Variants in COQ10A observed in about 807,000 individuals in gnomAD.
The protein encoded by COQ10A is coenzyme Q-binding protein COQ10 homolog A, mitochondrial.
COQ10A carries 25 observed loss-of-function variants against 26.1 expected under a neutral mutation model. The ratio of observed to expected loss-of-function variants is 0.96; its 90% CI spans 0.70 to 1.34. The LOEUF is 1.34. Ranked by LOEUF, COQ10A falls within the 40% of genes most tolerant of loss-of-function variation. COQ10A has a pLI of 0.00. For synonymous variants in COQ10A, 132 were observed against 124.0 expected, an observed-to-expected ratio of 1.06 and a Z score of -0.43; for missense variants, 312 against 335.4, an observed-to-expected ratio of 0.93 and a Z score of 0.54.
Position 56,267,236 on chromosome 12 carries a change from C to T in COQ10A, c.118C>T (p.Pro40Ser), listed in dbSNP as rs765028234. Residue 40 changes from proline to serine, a missense_variant, in exon 1 of 5, where the codon CCG (proline) becomes TCG (serine). Transcript: ENST00000308197. ...QPAPPPGPLP[P>S]PRPMRFLTSC... Reference sequence around the variant, plus strand: ...GGCCCCGCCCCCAGGCCCTCTGCCACCGCCGCGACCAATGAGGTGAGAGGG... The same window carrying T: ...GGCCCCGCCCCCAGGCCCTCTGCCATCGCCGCGACCAATGAGGTGAGAGGG... The T allele has an allele frequency of 6.8e-7, 1 of 1,479,474 alleles. No homozygotes were observed. Among genetic ancestry groups the T allele is most frequent in the Non-Finnish European group, 9.0e-7 (1 of 1,115,802 alleles). 91.6% of individuals were successfully genotyped at this position (1,479,474 alleles called of 1,614,324 possible).
In COQ10A at chr12:56,270,372, T is replaced by G. The variant is rs1592403366; in HGVS notation, c.*55T>G. 28 of 1,542,682 alleles carry G rather than the reference T, an allele frequency of 1.8e-5. No individual in the cohort carries two copies. The highest frequency in any genetic ancestry group is 2.3e-5 in the Non-Finnish European group (26 of 1,130,834). On this transcript the variant is annotated 3_prime_UTR_variant, in exon 5 of 5. Transcript: ENST00000308197. ...TACCCCACTTCCCTACACAATTCTCTTATTTATTTGGTTTGGCTCCTGTTC... is the reference window on the plus strand; with the variant it reads ...TACCCCACTTCCCTACACAATTCTCGTATTTATTTGGTTTGGCTCCTGTTC...
In COQ10A at chr12:56,267,174, G is replaced by A; in HGVS notation, c.56G>A (p.Arg19His). 3.7e-6 allele frequency: 5 copies of A among 1,352,918 alleles called. No individual in the cohort carries two copies. Among genetic ancestry groups the A allele is most frequent in the Non-Finnish European group, 4.7e-6 (5 of 1,058,464 alleles). The allele number at this position is 1,352,918 out of a possible 1,614,324, so 83.8% of individuals were successfully genotyped here. ...GCTGGGACGCGCGCGGCAGCCGAGC[G>A]CTGCTGCCGGCTCTCGCTCAGCCCG... Reference protein sequence around the residue: ...VPAGTRAAAERCCRLSLSPGA... With the variant: ...VPAGTRAAAEHCCRLSLSPGA... The change falls in exon 1 of 5, where the codon CGC becomes CAC. Residue 19 changes from arginine to histidine, a missense_variant. Physicochemically the swap from Arg to His is conservative, Grantham distance 29. Coordinates refer to ENST00000308197, the MANE Select transcript of COQ10A (RefSeq NM_144576.4).
chr12:56,267,475 G>C (rs1378681888), intron 1 of COQ10A: 3 of 1,612,142 alleles, frequency 1.9e-6, no homozygotes, highest in Admixed American at 1.7e-5. Context: ...GGCGCCCTGG[G>C]GTCCCCGGGG....
At chr12:56,269,276 A>C (rs755877358) in intron 3 of COQ10A, 25 bp downstream of exon 3, 1 of 1,603,754 alleles carries the variant, frequency 6.2e-7, no homozygotes, top group Non-Finnish European at 8.5e-7. Context: ...GGAGGGATTG[A>C]CAAGATTTTT....
chr12:56,269,136 C>G lies in COQ10A; in HGVS notation c.359C>G (p.Ser120Cys). The G allele has an allele frequency of 6.2e-7, 1 of 1,614,098 alleles. No homozygotes were observed. The highest frequency in any genetic ancestry group is 1.1e-5 in the South Asian group (1 of 91,068). The part of the protein sequence containing the change: ...YREFVPWCKK[S>C]LVVSSRKGHL... Reference sequence around the variant, plus strand: ...GAGTTTGTGCCCTGGTGTAAGAAGTCTCTGGTGGTATCCAGCCGTAAGGGT... The same window carrying G: ...GAGTTTGTGCCCTGGTGTAAGAAGTGTCTGGTGGTATCCAGCCGTAAGGGT... The change falls in exon 3 of 5, where the codon TCT becomes TGT. Residue 120 changes from serine to cysteine, a missense_variant. Physicochemically the swap from Ser to Cys is moderately radical, Grantham distance 112. Coordinates refer to ENST00000308197, the MANE Select transcript of COQ10A (RefSeq NM_144576.4).
At chr12:56,269,596 C>T (rs993435584) in intron 4 of COQ10A, 35 bp downstream of exon 4, 1 of 1,413,318 alleles carries the variant, frequency 7.1e-7, no homozygotes, top group Non-Finnish European at 1.0e-6. Context: ...AGGACGAGGA[C>T]TGGGTATGAG....
At chr12:56,267,996 G>A in intron 2 of COQ10A, 56 bp downstream of exon 2, 1 of 1,597,270 alleles carries the variant, frequency 6.3e-7, no homozygotes, top group Non-Finnish European at 8.5e-7. Flanking sequence ...AAATAACCCT[G>A]TCCAGGCAAG....
rs1307004977 is a variant in COQ10A, at chr12:56,267,180, G to C, written c.62G>C (p.Cys21Ser). The C allele has an allele frequency of 2.2e-6, 3 of 1,368,322 alleles. No individual in the cohort carries two copies. The African/African-American group carries it at 4.6e-5, about 21-fold the overall frequency. The allele number at this position is 1,368,322 out of a possible 1,614,324, so 84.8% of individuals were successfully genotyped here. The change falls in exon 1 of 5, where the codon TGC becomes TCC. Residue 21 changes from cysteine to serine, a missense_variant. Physicochemically the swap from Cys to Ser is moderately radical, Grantham distance 112. Transcript: ENST00000308197. The part of the protein sequence containing the change: ...AGTRAAAERC[C>S]RLSLSPGAQP... Reference sequence around the variant, plus strand: ...ACGCGCGCGGCAGCCGAGCGCTGCTGCCGGCTCTCGCTCAGCCCGGGCGCG... The same window carrying C: ...ACGCGCGCGGCAGCCGAGCGCTGCTCCCGGCTCTCGCTCAGCCCGGGCGCG...
At position 56,270,455 on chromosome 12, in the gene COQ10A, T is replaced by C. The variant is rs1851637100; in HGVS notation, c.*138T>C. On this transcript the variant is annotated 3_prime_UTR_variant, in exon 5 of 5. Coordinates refer to ENST00000308197, the MANE Select transcript of COQ10A (RefSeq NM_144576.4). ...TTTCTCCTCTCAATTTCCCAGAAAT[T>C]GGGTTCTATGCTGGCTGGAAATGTT... The C allele has an allele frequency of 1.1e-6, 1 of 910,462 alleles. No homozygotes were observed. Among genetic ancestry groups the C allele is most frequent in the Admixed American group, 2.8e-5 (1 of 35,176 alleles). The allele number at this position is 910,462 out of a possible 1,614,324, so 56.4% of individuals were successfully genotyped here.
chr12:56,267,586 C>G, intron 1 of COQ10A: 3 of 1,159,560 alleles, frequency 2.6e-6, no homozygotes, highest in Non-Finnish European at 1.3e-6. Context: ...TCCCCCTCAC[C>G]CCGCCCCCAG....
rs1022100452 is a variant in COQ10A at position 56,269,108 on chromosome 12, C to T, written c.331C>T (p.Arg111Cys). 6 of 1,613,988 alleles carry T rather than the reference C, an allele frequency of 3.7e-6. No individual in the cohort carries two copies. Among genetic ancestry groups the T allele is most frequent in the East Asian group, 2.2e-5 (1 of 44,876 alleles). The change falls in exon 3 of 5, where the codon CGT (arginine) becomes TGT (cysteine). Residue 111 changes from arginine (R) to cysteine (C), a missense_variant. Arg to Cys is a radical substitution (Grantham distance 180, BLOSUM62 -3). Transcript: ENST00000308197. ...GGTGGTGTCCAACGTCCAGGAGTATCGTGAGTTTGTGCCCTGGTGTAAGAA... is the reference window on the plus strand; with the variant it reads ...GGTGGTGTCCAACGTCCAGGAGTATTGTGAGTTTGTGCCCTGGTGTAAGAA... Reference protein sequence around the residue: ...YEVVSNVQEYREFVPWCKKSL... With the variant: ...YEVVSNVQEYCEFVPWCKKSL...
chr12:56,267,541 G>A, intron 1 of COQ10A: 1 of 1,379,446 alleles, frequency 7.2e-7, no homozygotes, highest in Non-Finnish European at 1.0e-6. Flanking sequence ...CCCAGTCAAA[G>A]GCAACTGGCG....
chr12:56,267,258 A>G lies in COQ10A; in HGVS notation c.134+6A>G. ...CCACCGCCGCGACCAATGAGGTGAG[A>G]GGGAGGTGACCGCGGCTGAGGGCAG... On this transcript the variant is annotated splice_donor_region_variant and intron_variant, in intron 1 of 4. Transcript: ENST00000308197. The G allele has an allele frequency of 6.4e-7, 1 of 1,550,564 alleles. No homozygotes were observed. Among genetic ancestry groups the G allele is most frequent in the South Asian group, 1.2e-5 (1 of 82,984 alleles).
At chr12:56,268,261 A>G in intron 2 of COQ10A, 1 of 298,550 alleles carries the variant, frequency 3.3e-6, no homozygotes, top group African/African-American at 2.2e-5. Flanking sequence ...GTTTTAGGTC[A>G]GGAGTTCGAG....
chr12:56,268,120 T>C, intron 2 of COQ10A, 180 bp downstream of exon 2: 1 of 779,774 alleles, frequency 1.3e-6, no homozygotes, highest in South Asian at 1.7e-5. Flanking sequence ...TTCTCCCTTC[T>C]TGGTTGCTGT....
At position 56,267,210 on chromosome 12, in the gene COQ10A, C is replaced by G. The variant is rs574732193; in HGVS notation, c.92C>G (p.Pro31Arg). The change falls in exon 1 of 5, where the codon CCG becomes CGG. Residue 31 changes from proline to arginine, a missense_variant. Transcript: ENST00000308197. The part of the protein sequence containing the change: ...CRLSLSPGAQ[P>R]APPPGPLPPP... The stretch of plus-strand genomic sequence containing the variant: ...CTCTCGCTCAGCCCGGGCGCGCAAC[C>G]GGCCCCGCCCCCAGGCCCTCTGCCA... 1.1e-5 allele frequency: 15 copies of G among 1,424,236 alleles called. No homozygotes were observed. The Admixed American group carries it at 1.8e-4, about 17-fold the overall frequency. The allele number at this position is 1,424,236 out of a possible 1,614,324, so 88.2% of individuals were successfully genotyped here. A position where few individuals can be genotyped will look rare whatever the true frequency, so the allele number is the denominator to read the frequency against.
In COQ10A at chr12:56,270,528, A is replaced by G; in HGVS notation, c.*211A>G. The G allele has an allele frequency of 1.7e-6, 1 of 575,616 alleles. No homozygotes were observed. Among genetic ancestry groups the G allele is most frequent in the South Asian group, 2.2e-5 (1 of 45,448 alleles). The allele number at this position is 575,616 out of a possible 1,614,324, so 35.7% of individuals were successfully genotyped here. ...TGTGGAAATGAGATGTGCTTAGGAA[A>G]GGGTCAGGCCCATCGTAGGAGCACC... is the stretch of plus-strand genomic sequence containing the variant. On this transcript the variant is annotated 3_prime_UTR_variant, in exon 5 of 5. Transcript: ENST00000308197.
At chr12:56,267,658 C>A in intron 1 of COQ10A, 136 bp from the exon 2 acceptor site, 3 of 1,294,872 alleles carry the variant, frequency 2.3e-6, no homozygotes, top group Non-Finnish European at 3.4e-6. Flanking sequence ...GAGAGCCTAG[C>A]GGGCTGCAGC....
intron 4 of COQ10A, chr12:56,269,900 T>G (rs538095008): frequency 3.7e-6 from 2 of 545,384 alleles, no homozygotes; most frequent in East Asian, 6.5e-5. Flanking sequence ...GTGCTGGGAT[T>G]ACAGGCGTGA....
Sources: allele counts gnomAD v4.1 joint callset, GRCh38; gene constraint gnomAD v4.1.1; transcripts MANE v1.5; gene names NCBI Gene and HGNC (gene_info 2026-07-23, HGNC 2026-07-21).